Variants in STOX2 observed in about 807,000 individuals in gnomAD.
STOX2 encodes the protein storkhead box 2, also known as storkhead-box protein 2.
STOX2 carries 28 observed loss-of-function variants against 60.9 expected under a neutral mutation model. The observed-to-expected ratio is 0.46, with a 90% CI of 0.34 to 0.63. The LOEUF (loss-of-function observed/expected upper bound fraction) is 0.63. Among genes scored for constraint, STOX2 ranks in the 30% least tolerant of loss-of-function variants. STOX2 has a pLI of 0.01. For synonymous variants in STOX2, 472 were observed against 463.9 expected (o/e 1.02, Z -0.22); for missense variants, 1,024 against 1,187.7 (o/e 0.86, Z 2.03).
intron 1 of STOX2, among the ~76,000 whole-genome samples, chr4:183,981,836 C>T (rs1393288578): frequency 2.6e-5 from 4 of 152,112 alleles, no homozygotes; most frequent in Admixed American, 6.6e-5. Context: ...TTTGGGAGGC[C>T]GAGGCAGGGG....
At chr4:183,983,103 G>A (rs938256860) in intron 1 of STOX2, among the ~76,000 whole-genome samples, 1 of 152,056 alleles carries the variant, frequency 6.6e-6, no homozygotes, top group African/African-American at 2.4e-5. Flanking sequence ...AAACATCTTA[G>A]ACTGTCTAAC....
intron 1 of STOX2, among the ~76,000 whole-genome samples, chr4:183,993,920 A>G (rs779875965): frequency 6.6e-6 from 1 of 152,242 alleles, no homozygotes; most frequent in Non-Finnish European, 1.5e-5. Context: ...AAGAGAGCGC[A>G]TAGGAAAGAA....
chr4:183,976,503 C>T (rs1016107642), intron 1 of STOX2, among the ~76,000 whole-genome samples: 4 of 151,328 alleles, frequency 2.6e-5, no homozygotes, highest in South Asian at 2.1e-4. Flanking sequence ...TGATAAAGAA[C>T]GTCCACAAAA....
intron 2 of STOX2, among the ~76,000 whole-genome samples, chr4:184,006,881 T>A (rs562415227): frequency 2.7e-5 from 4 of 149,026 alleles, no homozygotes; most frequent in Non-Finnish European, 4.5e-5. Context: ...CTGGGCGTAG[T>A]GGCGGGCGCC....
intron 1 of STOX2, among the ~76,000 whole-genome samples, chr4:183,818,754 G>C: frequency 6.6e-6 from 1 of 151,462 alleles, no homozygotes; most frequent in Admixed American, 6.6e-5. Context: ...TGGACAGGGC[G>C]GCTGCTGGGC....
At chr4:183,876,726 C>T (rs543128840) in intron 1 of STOX2, among the ~76,000 whole-genome samples, 4 of 152,332 alleles carry the variant, frequency 2.6e-5, no homozygotes, top group African/African-American at 9.6e-5. Flanking sequence ...TGAGCCAAGT[C>T]GTTCACGGCT....
rs762449099 is a variant in STOX2, at chr4:184,001,445, C to T, written c.287C>T (p.Ala96Val). The T allele has an allele frequency of 6.2e-7, 1 of 1,613,842 alleles. No homozygotes were observed. The change falls in exon 2 of 4, where the codon GCA becomes GTA. Residue 96 changes from alanine (A) to valine (V), a missense_variant. Physicochemically the swap from Ala to Val is moderately conservative, Grantham distance 64. This residue lies in a region of STOX2 where 922 missense variants were observed against 1,058.3 expected (regional missense o/e 0.87). Transcript: ENST00000308497. This position sits in a 1 kb window ranked among gnomAD's most constrained non-coding sequence, Gnocchi z 4.2. ...NSARKPVTQE[A>V]LMEHLTTCFP... is the part of the protein sequence containing the mutation. ...GCAAGAAAGCCTGTCACCCAAGAAG[C>T]ACTGATGGAGCACCTGACCACGTGC...
At chr4:183,813,364 CAG>C (rs931208352) in intron 1 of STOX2, among the ~76,000 whole-genome samples, 1 of 152,126 alleles carries the variant, frequency 6.6e-6, no homozygotes, top group African/African-American at 2.4e-5. Flanking sequence ...GCTTGGGTGA[CAG>C]AGTGAGACCC....
At chr4:183,837,617 C>T (rs1739747666) in intron 1 of STOX2, among the ~76,000 whole-genome samples, 1 of 152,080 alleles carries the variant, frequency 6.6e-6, no homozygotes, top group South Asian at 2.1e-4. Flanking sequence ...CACCACCACG[C>T]CTGGCTAATT....
chr4:184,015,462 T>C (rs3811776), intron 3 of STOX2: 78,329 of 152,138 alleles, frequency 0.51, 23,310 homozygotes, highest in Non-Finnish European at 0.69. Flanking sequence ...ATGGATTACC[T>C]TTCTGGAGGT....
At chr4:183,812,131 T>C (rs553931776) in intron 1 of STOX2, among the ~76,000 whole-genome samples, 322 of 152,228 alleles carry the variant, frequency 2.1e-3, no homozygotes, top group Non-Finnish European at 3.4e-3. Flanking sequence ...TGGGTCTCAC[T>C]ATGTTGCCCA....
intron 1 of STOX2, among the ~76,000 whole-genome samples, chr4:183,834,524 C>T (rs959195183): frequency 6.6e-6 from 1 of 151,936 alleles, no homozygotes; most frequent in Non-Finnish European, 1.5e-5. Context: ...CGTCTTGGCT[C>T]GTGTGAGTCA....
intron 1 of STOX2, among the ~76,000 whole-genome samples, chr4:183,853,216 A>G (rs1187357398): frequency 6.6e-6 from 1 of 152,222 alleles, no homozygotes; most frequent in Non-Finnish European, 1.5e-5. Flanking sequence ...GGTCCTGGAA[A>G]TGCCGAAAGG....
chr4:183,914,470 T>A (rs1025545608), intron 1 of STOX2, among the ~76,000 whole-genome samples: 7 of 152,132 alleles, frequency 4.6e-5, no homozygotes, highest in African/African-American at 1.7e-4. Context: ...ATTAAAAAGC[T>A]GCAACTGATT....
At chr4:183,867,459 C>A (rs1012705961) in intron 1 of STOX2, among the ~76,000 whole-genome samples, 1 of 152,202 alleles carries the variant, frequency 6.6e-6, no homozygotes, top group Non-Finnish European at 1.5e-5. Flanking sequence ...GCTGAGGGAA[C>A]GTTGCCAGAT....
chr4:183,824,790 T>A (rs1440560546), intron 1 of STOX2, among the ~76,000 whole-genome samples: 1 of 152,168 alleles, frequency 6.6e-6, no homozygotes, highest in Admixed American at 6.5e-5. Flanking sequence ...ACATCATGCA[T>A]TTAGTTCCAG....
intron 1 of STOX2, among the ~76,000 whole-genome samples, chr4:183,957,265 G>T (rs1226799305): frequency 1.3e-5 from 2 of 151,644 alleles, no homozygotes; most frequent in African/African-American, 4.8e-5. Flanking sequence ...TATGGTGGTG[G>T]CAGCCTGATT....
At chr4:183,986,721 G>A (rs1288386228) in intron 1 of STOX2, among the ~76,000 whole-genome samples, 1 of 152,252 alleles carries the variant, frequency 6.6e-6, no homozygotes, top group East Asian at 1.9e-4. Flanking sequence ...CAGAATGGAT[G>A]TCACTGTGCA....
chr4:183,862,168 GTTGTTTGT>G lies in STOX2; in HGVS notation c.364+64128_364+64135del, dbSNP rs34544588. 6.0e-5 allele frequency among the ~76,000 whole-genome samples: 9 copies of G among 151,166 alleles called. No individual in the cohort carries two copies. In the South Asian group the frequency reaches 6.3e-4, roughly 11 times the overall value. On this transcript the variant is annotated intron_variant, in intron 1 of 2. Transcript: ENST00000513034. ...CAGATAACGTTAAGTGTTTGTTGTT[GTTGTTTGT>G]TTGTTTGTTTGTTTTTTGAGACAGA...
Sources: allele counts gnomAD v4.1 joint callset (sites outside exome capture counted in the v4.1 genomes callset), GRCh38; gene constraint gnomAD v4.1.1; regional missense constraint gnomAD v4.1.1; non-coding constraint Gnocchi (gnomAD v3.1); transcripts MANE v1.5; gene names NCBI Gene and HGNC (gene_info 2026-07-23, HGNC 2026-07-21).